The following TNS4 variants were observed in gnomAD, a reference collection of about 807,000 sequenced individuals.
TNS4 encodes tensin-4.
In TNS4, 46 loss-of-function variants were observed where a neutral mutation model predicts 70.4. The ratio of observed to expected loss-of-function variants is 0.65; its 90% CI spans 0.52 to 0.84. TNS4 has a LOEUF of 0.84. Ranked by LOEUF, TNS4 falls within the 40% of genes least tolerant of loss-of-function variation. TNS4 has a pLI of 0.00. For missense variants in TNS4, 863 were observed against 907.0 expected (o/e 0.95, Z 0.62); for synonymous variants, 390 against 366.6 (o/e 1.06, Z -0.73).
At chr17:40,479,566 T>C in intron 10 of TNS4, 108 bp downstream of exon 10, 1 of 1,424,856 alleles carries the variant, frequency 7.0e-7, no homozygotes, top group South Asian at 1.4e-5. Context: ...CGCTGGGTCA[T>C]CCAGAACCCT....
At chr17:40,482,887 C>T (rs1453885450) in intron 6 of TNS4, among the ~76,000 whole-genome samples, 1 of 152,058 alleles carries the variant, frequency 6.6e-6, no homozygotes, top group Non-Finnish European at 1.5e-5. Context: ...TTCAGGAAAC[C>T]TTTCTCTTCT....
intron 2 of TNS4, 96 bp from the exon 3 acceptor site, chr17:40,489,065 C>T (rs560540054): frequency 2.2e-5 from 27 of 1,242,978 alleles, no homozygotes; most frequent in Admixed American, 2.6e-5. Flanking sequence ...TCTGTCCCCC[C>T]TCTTTTATAG....
chr17:40,485,998 C>T (rs957093457), intron 4 of TNS4, among the ~76,000 whole-genome samples: 2 of 152,238 alleles, frequency 1.3e-5, no homozygotes, highest in East Asian at 3.8e-4. Flanking sequence ...CCCCCACCCC[C>T]TCTGGAGTCG....
chr17:40,498,713 T>C (rs2036175181), intron 1 of TNS4, among the ~76,000 whole-genome samples: 1 of 152,144 alleles, frequency 6.6e-6, no homozygotes, highest in Admixed American at 6.6e-5. Context: ...TTGTGCCCTA[T>C]ACCCAGAGAA....
At chr17:40,483,010 C>T (rs991424990) in intron 6 of TNS4, among the ~76,000 whole-genome samples, 11 of 151,124 alleles carry the variant, frequency 7.3e-5, no homozygotes, top group African/African-American at 2.7e-4. Context: ...AGTGCAGCGG[C>T]ATGATCTCGG....
At chr17:40,482,585 G>GACAC (rs3833860) in intron 6 of TNS4, among the ~76,000 whole-genome samples, 169 bp from the exon 7 acceptor site, 5,206 of 145,034 alleles carry the variant, frequency 0.036, 102 homozygotes, top group Non-Finnish European at 0.048. Flanking sequence ...CTCTACTAAA[G>GACAC]ACACACACAC....
chr17:40,495,537 G>A (rs1028853738), intron 2 of TNS4, among the ~76,000 whole-genome samples: 2 of 152,048 alleles, frequency 1.3e-5, no homozygotes, highest in Non-Finnish European at 2.9e-5. Context: ...CATTTCCAGC[G>A]TGGGCCTCTC....
intron 6 of TNS4, among the ~76,000 whole-genome samples, 187 bp from the exon 7 acceptor site, chr17:40,482,603 C>CAT (rs1425406458): frequency 6.6e-6 from 1 of 151,608 alleles, no homozygotes; most frequent in Non-Finnish European, 1.5e-5. Context: ...CACACACACA[C>CAT]ACACACACAC....
At position 40,478,338 on chromosome 17, in the gene TNS4, A is replaced by G. The variant is rs1567807575; in HGVS notation, c.1980-5T>C. 1.6e-5 allele frequency: 26 copies of G among 1,609,852 alleles called. No individual in the cohort carries two copies. Among genetic ancestry groups the G allele is most frequent in the Non-Finnish European group, 2.1e-5 (25 of 1,178,746 alleles). On this transcript the variant is annotated splice_region_variant and splice_polypyrimidine_tract_variant and intron_variant, in intron 11 of 12. Transcript: ENST00000254051. ...GGTTTGCAGTACTTCTGCCACCTGT[A>G]GGAAAAGAACATGATACCGAGTAAT...
intron 2 of TNS4, among the ~76,000 whole-genome samples, chr17:40,492,938 T>C (rs936453508): frequency 3.9e-5 from 6 of 152,008 alleles, no homozygotes; most frequent in Non-Finnish European, 8.8e-5. Flanking sequence ...TCCCTGCTAC[T>C]CAGGAGTCTG....
Position 40,482,399 on chromosome 17 carries a change from G to GT in TNS4, c.1518_1519insA (p.Leu507ThrfsTer21). The GT allele has an allele frequency of 1.9e-6, 3 of 1,614,038 alleles. No homozygotes were observed. Among genetic ancestry groups the GT allele is most frequent in the Non-Finnish European group, 2.5e-6 (3 of 1,180,024 alleles). Reference sequence around the variant, plus strand: ...GACTCGATGAGGAAGTGTCGGATGAGGTCATTGCTGTCCTCACCTGGACAG... The same window carrying GT: ...GACTCGATGAGGAAGTGTCGGATGAGTGTCATTGCTGTCCTCACCTGGACAG... On this transcript the variant is annotated frameshift_variant, in exon 7 of 13. Transcript: ENST00000254051. LOFTEE classifies it high-confidence loss of function.
Position 40,476,460 on chromosome 17 carries a change from G to T in TNS4, c.*1128C>A, listed in dbSNP as rs1176310901. Reference sequence around the variant, plus strand: ...CGTGGGTTGGGGGAGGGCTCAGCAAGACAGGAGCTGAGGCAGAATCACAGA... The same window carrying T: ...CGTGGGTTGGGGGAGGGCTCAGCAATACAGGAGCTGAGGCAGAATCACAGA... On this transcript the variant is annotated 3_prime_UTR_variant, in exon 13 of 13. Transcript: ENST00000254051. 2 of 152,244 alleles carry T rather than the reference G, an allele frequency of 1.3e-5. No homozygotes were observed. The highest frequency in any genetic ancestry group is 2.4e-5 in the African/African-American group (1 of 40,998). The allele number at this position is 152,244 out of a possible 1,614,324, so 9.4% of individuals were successfully genotyped here.
intron 12 of TNS4, 84 bp downstream of exon 12, chr17:40,478,223 C>T: frequency 1.3e-6 from 2 of 1,568,606 alleles, no homozygotes; most frequent in East Asian, 2.2e-5. Flanking sequence ...ACACTTTGGA[C>T]TATTAAAGTC....
rs1435258664 is a variant in TNS4, at chr17:40,476,012, T to A, written c.*1576A>T. The A allele has an allele frequency of 1.3e-5, 2 of 152,032 alleles. No individual in the cohort carries two copies. Among genetic ancestry groups the A allele is most frequent in the African/African-American group, 4.8e-5 (2 of 41,366 alleles). 9.4% of individuals were successfully genotyped at this position (152,032 alleles called of 1,614,324 possible). A position where few individuals can be genotyped will look rare whatever the true frequency, so the allele number is the denominator to read the frequency against. On this transcript the variant is annotated 3_prime_UTR_variant, in exon 13 of 13. Coordinates refer to ENST00000254051, the MANE Select transcript of TNS4 (RefSeq NM_032865.6). ...CTGGCTGGGTGGGCTGGTCTCAGCC[T>A]CTCCTGCAGGCCCAGGGCTGAAATC...
chr17:40,491,568 A>G (rs1436081669), intron 2 of TNS4, among the ~76,000 whole-genome samples: 1 of 152,042 alleles, frequency 6.6e-6, no homozygotes, highest in East Asian at 1.9e-4. Flanking sequence ...TGCTTTGGGG[A>G]GGGTCTCTTG....
At chr17:40,489,140 C>T (rs1322571749) in intron 2 of TNS4, among the ~76,000 whole-genome samples, 171 bp from the exon 3 acceptor site, 1 of 152,058 alleles carries the variant, frequency 6.6e-6, no homozygotes, top group African/African-American at 2.4e-5. Flanking sequence ...GTTCCAGTCA[C>T]CCTCCCTGTG....
Position 40,482,349 on chromosome 17 carries a change from T to C in TNS4, c.1569A>G (p.Lys523=). 2 of 1,614,162 alleles carry C rather than the reference T, an allele frequency of 1.2e-6. No individual in the cohort carries two copies. The highest frequency in any genetic ancestry group is 2.2e-5 in the South Asian group (2 of 91,086). ...CAAAGTAGGGCTCCTCATCTGCTCC[T>C]TTGAGATGCACTCCTTTGGCAGACG... ...IESSAKGVHL[K]GADEEPYFGS... is the part of the protein sequence containing the mutation. Residue 523 remains lysine (K), a synonymous_variant, in exon 7 of 13, where the codon AAA becomes AAG. Transcript: ENST00000254051.
At position 40,482,201 on chromosome 17, in the gene TNS4, G is replaced by C. The variant is rs552759932; in HGVS notation, c.1600C>G (p.Leu534Val). 1 of 1,614,216 alleles carries C rather than the reference G, an allele frequency of 6.2e-7. No individual in the cohort carries two copies. Among genetic ancestry groups the C allele is most frequent in the South Asian group, 1.1e-5 (1 of 91,086 alleles). Residue 534 changes from leucine to valine, a missense_variant, in exon 8 of 13, where the codon CTC (leucine) becomes GTC (valine). Physicochemically the swap from Leu to Val is conservative, Grantham distance 32. Transcript: ENST00000254051. The part of the protein sequence containing the change: ...GADEEPYFGS[L>V]SAFVCQHSIM... Reference sequence around the variant, plus strand: ...GAATGCTGGCACACGAAGGCAGAGAGGCTCCCTGAAAGGAAGCAAGCAGCC... The same window carrying C: ...GAATGCTGGCACACGAAGGCAGAGACGCTCCCTGAAAGGAAGCAAGCAGCC...
At position 40,477,538 on chromosome 17, in the gene TNS4, C is replaced by G; in HGVS notation, c.*50G>C. 6.2e-7 allele frequency: 1 copy of G among 1,605,134 alleles called. No homozygotes were observed. The highest frequency in any genetic ancestry group is 1.1e-5 in the South Asian group (1 of 90,110). On this transcript the variant is annotated 3_prime_UTR_variant, in exon 13 of 13. Coordinates refer to ENST00000254051, the MANE Select transcript of TNS4 (RefSeq NM_032865.6). ...CCCATTCAGGGGGTGGAGGGGGGCT[C>G]CTTAGCGAGCCCCTGGAGGTGTTGG...
Sources: gnomAD v4.1 joint callset for allele counts (sites outside exome capture counted in the v4.1 genomes callset) on GRCh38, gnomAD v4.1.1 for gene constraint, MANE v1.5 for transcripts, NCBI Gene and HGNC (gene_info 2026-07-23, HGNC 2026-07-21) for gene names.